The following ZNF423 variants were observed in gnomAD, a reference collection of about 807,000 sequenced individuals.
The protein encoded by ZNF423 is zinc finger protein 423.
In ZNF423, 12 loss-of-function variants were observed where a neutral mutation model predicts 95.8. The ratio of observed to expected loss-of-function variants is 0.13; its 90% CI spans 0.08 to 0.20. ZNF423 has a LOEUF of 0.20. Among genes scored for constraint, ZNF423 ranks in the 10% least tolerant of loss-of-function variants. ZNF423 has a pLI of 1.00. For synonymous variants in ZNF423, 749 were observed against 711.9 expected (o/e 1.05, Z -0.83); for missense variants, 1,316 against 1,737.1 (o/e 0.76, Z 4.31).
intron 2 of ZNF423, among the ~76,000 whole-genome samples, chr16:49,756,203 T>TG (rs2033723922): frequency 6.6e-6 from 1 of 152,248 alleles, no homozygotes; most frequent in African/African-American, 2.4e-5. Flanking sequence ...TTTTGAATCC[T>TG]GGGGGCAGCC....
intron 1 of ZNF423, among the ~76,000 whole-genome samples, chr16:49,803,633 C>T (rs1406981510): frequency 6.6e-6 from 1 of 152,152 alleles, no homozygotes; most frequent in African/African-American, 2.4e-5. Flanking sequence ...GACCTTCAAC[C>T]ACTAGATGGT....
At chr16:49,763,291 G>C (rs1159065229) in intron 2 of ZNF423, among the ~76,000 whole-genome samples, 1 of 151,172 alleles carries the variant, frequency 6.6e-6, no homozygotes, top group East Asian at 2.0e-4. Flanking sequence ...GTTTTGTTTT[G>C]TTTTTGAGAC....
At chr16:49,717,675 T>C (rs1302203691) in intron 3 of ZNF423, among the ~76,000 whole-genome samples, 3 of 152,314 alleles carry the variant, frequency 2.0e-5, no homozygotes, top group South Asian at 2.1e-4. Context: ...GCCAATACAT[T>C]GCACTGTTTG....
At chr16:49,828,580 T>G (rs1412838301) in intron 1 of ZNF423, among the ~76,000 whole-genome samples, 1 of 152,140 alleles carries the variant, frequency 6.6e-6, no homozygotes, top group Non-Finnish European at 1.5e-5. Flanking sequence ...CTTAAACAGC[T>G]CCACTTTGAG....
chr16:49,792,780 G>A (rs574901464), intron 1 of ZNF423, among the ~76,000 whole-genome samples: 7 of 152,276 alleles, frequency 4.6e-5, no homozygotes, highest in African/African-American at 1.7e-4. Context: ...TGTTTTATGA[G>A]ACAGGCTCAT....
At chr16:49,758,167 C>G (rs1456594350) in intron 2 of ZNF423, among the ~76,000 whole-genome samples, 1 of 152,222 alleles carries the variant, frequency 6.6e-6, no homozygotes, top group Non-Finnish European at 1.5e-5. Flanking sequence ...GAGACAGGGT[C>G]TCGCTCTGTC....
At chr16:49,508,983 T>A (rs1244952499) in intron 7 of ZNF423, among the ~76,000 whole-genome samples, 1 of 152,178 alleles carries the variant, frequency 6.6e-6, no homozygotes, top group East Asian at 1.9e-4. Flanking sequence ...AAGCTGTGTA[T>A]CTTAAAATAC....
chr16:49,604,248 C>G (rs1208395299), intron 5 of ZNF423, among the ~76,000 whole-genome samples: 1 of 152,334 alleles, frequency 6.6e-6, no homozygotes, highest in Non-Finnish European at 1.5e-5. Flanking sequence ...CACATCTGAC[C>G]AGCCACCTGT....
intron 3 of ZNF423, among the ~76,000 whole-genome samples, chr16:49,656,423 A>G (rs909961234): frequency 4.6e-5 from 7 of 151,996 alleles, no homozygotes; most frequent in African/African-American, 1.5e-4. Flanking sequence ...AGGCAAGAGG[A>G]TTGCTTGAAC....
intron 1 of ZNF423, among the ~76,000 whole-genome samples, chr16:49,821,838 C>A (rs1197223325): frequency 1.3e-5 from 2 of 152,164 alleles, no homozygotes; most frequent in African/African-American, 4.8e-5. Flanking sequence ...TTTATTACCA[C>A]CCCCGACAGC....
intron 5 of ZNF423, among the ~76,000 whole-genome samples, chr16:49,624,208 A>C (rs536320689): frequency 6.6e-6 from 1 of 152,204 alleles, no homozygotes; most frequent in South Asian, 2.1e-4. Context: ...TATAATATCT[A>C]TATATTCCTA....
chr16:49,746,736 T>C (rs1401009674), intron 2 of ZNF423, among the ~76,000 whole-genome samples: 6 of 152,054 alleles, frequency 3.9e-5, no homozygotes, highest in African/African-American at 1.4e-4. Flanking sequence ...CCTCCCAAAG[T>C]GCTGCGGTTA....
rs538625828 is a variant in ZNF423 at position 49,636,374 on chromosome 16, G to A, written c.2802C>T (p.Ile934=). 6.2e-7 allele frequency: 1 copy of A among 1,613,008 alleles called. No homozygotes were observed. The highest frequency in any genetic ancestry group is 1.3e-5 in the African/African-American group (1 of 75,062). The change falls in exon 4 of 8, where the codon ATC becomes ATT. Residue 934 remains isoleucine, a synonymous_variant. Transcript: ENST00000563137. This position sits in a 1 kb window ranked among gnomAD's most constrained non-coding sequence, Gnocchi z 8.6. The part of the protein sequence containing the change: ...DDGSRKKAEF[I]KGSHKCNVCS... ...AAACGTTGCACTTGTGACTGCCCTTGATAAACTCAGCCTTCTTGCGTGAGC... is the reference window on the plus strand; with the variant it reads ...AAACGTTGCACTTGTGACTGCCCTTAATAAACTCAGCCTTCTTGCGTGAGC...
At position 49,488,868 on chromosome 16, in the gene ZNF423, G is replaced by C. The variant is rs1447039608; in HGVS notation, c.*2407C>G. On this transcript the variant is annotated 3_prime_UTR_variant, in exon 8 of 8. Coordinates refer to ENST00000563137, the MANE Select transcript of ZNF423 (RefSeq NM_001379286.1). ...CAGCCCCCTCCCCACACAAAGTCACGAGGGGCTCTCAGCCGTAGCAGCAGG... is the reference window on the plus strand; with the variant it reads ...CAGCCCCCTCCCCACACAAAGTCACCAGGGGCTCTCAGCCGTAGCAGCAGG... 1 of 152,352 alleles carries C rather than the reference G, an allele frequency of 6.6e-6. No individual in the cohort carries two copies. Among genetic ancestry groups the C allele is most frequent in the African/African-American group, 2.4e-5 (1 of 41,434 alleles). The allele number at this position is 152,352 out of a possible 1,614,324, so 9.4% of individuals were successfully genotyped here.
At chr16:49,666,457 A>T (rs2030550247) in intron 3 of ZNF423, among the ~76,000 whole-genome samples, 1 of 152,262 alleles carries the variant, frequency 6.6e-6, no homozygotes, top group Non-Finnish European at 1.5e-5. Context: ...AACCAGCTAC[A>T]TACACGTAGT....
intron 3 of ZNF423, among the ~76,000 whole-genome samples, chr16:49,644,658 C>CAAAAAAAAAAAA (rs56066766): frequency 1.0e-4 from 4 of 39,566 alleles, no homozygotes; most frequent in Non-Finnish European, 1.7e-4. Flanking sequence ...AACTCTGACT[C>CAAAAAAAAAAAA]AAAAAAAAAA....
intron 7 of ZNF423, among the ~76,000 whole-genome samples, chr16:49,513,501 C>T (rs1212390995): frequency 6.6e-6 from 1 of 152,160 alleles, no homozygotes; most frequent in Non-Finnish European, 1.5e-5. Context: ...GGTTACCCAT[C>T]TTATAAGGAC....
intron 2 of ZNF423, chr16:49,731,411 G>A (rs1448468151): frequency 3.1e-6 from 3 of 981,702 alleles, no homozygotes; most frequent in Non-Finnish European, 3.6e-6. Flanking sequence ...CCACACAACA[G>A]GCCTCCCAGG....
At chr16:49,660,022 G>A (rs962059218) in intron 3 of ZNF423, among the ~76,000 whole-genome samples, 3 of 152,158 alleles carry the variant, frequency 2.0e-5, no homozygotes, top group South Asian at 4.1e-4. Context: ...TCCTCCACCC[G>A]CAATATACCT....
Sources: allele counts gnomAD v4.1 joint callset (sites outside exome capture counted in the v4.1 genomes callset), GRCh38; gene constraint gnomAD v4.1.1; non-coding constraint Gnocchi (gnomAD v3.1); transcripts MANE v1.5; gene names NCBI Gene and HGNC (gene_info 2026-07-23, HGNC 2026-07-21).